Variants in PATJ observed in about 807,000 individuals in gnomAD.
The protein encoded by PATJ is PATJ crumbs cell polarity complex component, also known as inaD-like protein.
In PATJ, 190 loss-of-function variants were observed where a neutral mutation model predicts 224.9. That is an observed-to-expected ratio of 0.84 (90% CI 0.75 to 0.95). PATJ has a LOEUF of 0.95. Ranked by LOEUF, PATJ falls within the 40% of genes least tolerant of loss-of-function variation. The pLI, the probability that PATJ is intolerant of heterozygous loss-of-function variation, is 0.00. For synonymous variants in PATJ, 769 were observed against 820.3 expected, an observed-to-expected ratio of 0.94 and a Z score of 1.07; for missense variants, 2,121 against 2,270.3, an observed-to-expected ratio of 0.93 and a Z score of 1.34.
Position 61,788,071 on chromosome 1 carries a change from A to T in PATJ, c.1068+99A>T, listed in dbSNP as rs976658224. On this transcript the variant is annotated intron_variant, in intron 8 of 43. Transcript: ENST00000642238. ...CAACTTGAAGCACCACATTGGTGTG[A>T]GTTGTGCGCTCACTAGTGAAACAGG... The T allele has an allele frequency of 7.9e-6, 7 of 890,410 alleles. No homozygotes were observed. In the African/African-American group the frequency reaches 1.0e-4, roughly 13 times the overall value. 55.2% of individuals were successfully genotyped at this position (890,410 alleles called of 1,614,324 possible).
At chr1:61,758,772 T>C (rs1645795739) in intron 1 of PATJ, among the ~76,000 whole-genome samples, 1 of 152,130 alleles carries the variant, frequency 6.6e-6, no homozygotes, top group Admixed American at 6.6e-5. Flanking sequence ...TAGTTTTTGT[T>C]GTTGTTGTTT....
At position 62,074,213 on chromosome 1, in the gene PATJ, G is replaced by C. The variant is rs200900984; in HGVS notation, c.4126-5237G>C. On this transcript the variant is annotated intron_variant, in intron 31 of 43. Transcript: ENST00000642238. ...GAAAACCCAAATTAAAAAAAATAGT[G>C]GGGGGAGGGGGGAGGGATAGCATTA... 2.9e-5 allele frequency among the ~76,000 whole-genome samples: 4 copies of C among 136,730 alleles called. No individual in the cohort carries two copies. In the East Asian group the frequency reaches 9.0e-4, roughly 31 times the overall value. The allele number at this position is 136,730 out of a possible 152,430, so 89.7% of individuals were successfully genotyped here. A position where few individuals can be genotyped will look rare whatever the true frequency, so the allele number is the denominator to read the frequency against.
chr1:62,071,598 A>G (rs1657428285), intron 31 of PATJ, among the ~76,000 whole-genome samples: 1 of 151,310 alleles, frequency 6.6e-6, no homozygotes, highest in Non-Finnish European at 1.5e-5. Context: ...GGTAAAAGCA[A>G]TTCTTCTGCC....
At chr1:62,139,015 C>T (rs567380998) in intron 41 of PATJ, among the ~76,000 whole-genome samples, 1 of 152,068 alleles carries the variant, frequency 6.6e-6, no homozygotes, top group African/African-American at 2.4e-5. Context: ...GGCAGGGAAC[C>T]TTTGCTCCCA....
At chr1:62,150,083 T>C (rs1280526887) in intron 42 of PATJ, among the ~76,000 whole-genome samples, 1 of 152,202 alleles carries the variant, frequency 6.6e-6, no homozygotes, top group Non-Finnish European at 1.5e-5. Flanking sequence ...AAATGGGGGC[T>C]GTGTTTGAAA....
At chr1:62,022,823 T>TC (rs1447214937) in intron 29 of PATJ, among the ~76,000 whole-genome samples, 2 of 152,208 alleles carry the variant, frequency 1.3e-5, no homozygotes, top group African/African-American at 4.8e-5. Flanking sequence ...CACCATGGGC[T>TC]CCACCTTCCT....
At position 62,163,582 on chromosome 1, in the gene PATJ, T is replaced by C. The variant is rs1376387075; in HGVS notation, c.*2528T>C. ...AAGTATATTGATGAAGGAATTATGA[T>C]GCTTTATACTTCTTACTGCACTAAA... On this transcript the variant is annotated 3_prime_UTR_variant, in exon 44 of 44. Transcript: ENST00000642238. 1 of 152,644 alleles carries C rather than the reference T, an allele frequency of 6.6e-6. No homozygotes were observed. Among genetic ancestry groups the C allele is most frequent in the East Asian group, 1.9e-4 (1 of 5,196 alleles). 9.5% of individuals were successfully genotyped at this position (152,644 alleles called of 1,614,324 possible). A position where few individuals can be genotyped will look rare whatever the true frequency, so the allele number is the denominator to read the frequency against.
intron 1 of PATJ, among the ~76,000 whole-genome samples, chr1:61,752,634 T>A (rs1464409809): frequency 6.6e-6 from 1 of 152,184 alleles, no homozygotes; most frequent in Non-Finnish European, 1.5e-5. Flanking sequence ...CCTTCATTTC[T>A]TTTTTAAAAA....
At chr1:62,123,144 G>GGGA in intron 39 of PATJ, 86 bp downstream of exon 39, 4 of 895,466 alleles carry the variant, frequency 4.5e-6, no homozygotes, top group Non-Finnish European at 7.2e-6. Flanking sequence ...CAGTTTATTG[G>GGGA]ATTGTGAGTG....
intron 28 of PATJ, among the ~76,000 whole-genome samples, chr1:61,999,352 T>C (rs1410666999): frequency 2.0e-5 from 3 of 152,196 alleles, no homozygotes; most frequent in African/African-American, 7.2e-5. Context: ...AGAAGTTTTC[T>C]TATATTAGCC....
intron 38 of PATJ, among the ~76,000 whole-genome samples, chr1:62,122,363 TAAAAAAAAAAAA>T (rs58555932): frequency 1.2e-5 from 1 of 81,532 alleles, no homozygotes; most frequent in Non-Finnish European, 2.6e-5. Context: ...AGACTCCATC[TAAAAAAAAAAAA>T]AAAAAAAAAA....
intron 27 of PATJ, among the ~76,000 whole-genome samples, chr1:61,933,103 A>G (rs1016361701): frequency 2.0e-5 from 3 of 152,174 alleles, no homozygotes; most frequent in African/African-American, 7.2e-5. Context: ...AATTAGTGAA[A>G]TTAATTGAGA....
chr1:61,863,969 G>A (rs1221709251), intron 19 of PATJ, among the ~76,000 whole-genome samples: 1 of 152,198 alleles, frequency 6.6e-6, no homozygotes, highest in African/African-American at 2.4e-5. Flanking sequence ...ATTGTCAGGT[G>A]GTTAATGTAT....
intron 24 of PATJ, among the ~76,000 whole-genome samples, chr1:61,903,314 T>C (rs777517940): frequency 2.0e-5 from 3 of 152,106 alleles, no homozygotes; most frequent in Non-Finnish European, 4.4e-5. Flanking sequence ...ACTAACAGAA[T>C]GGATGCAAAA....
chr1:61,927,975 G>A, intron 27 of PATJ, 146 bp downstream of exon 27: 1 of 600,020 alleles, frequency 1.7e-6, no homozygotes, highest in East Asian at 2.9e-5. Context: ...TACCTTTGAA[G>A]CTTTTGTGGC....
At chr1:61,851,157 A>C (rs555237680) in intron 17 of PATJ, among the ~76,000 whole-genome samples, 9 of 152,260 alleles carry the variant, frequency 5.9e-5, no homozygotes, top group Non-Finnish European at 1.2e-4. Context: ...AGTAAAATGT[A>C]AAAAGTATTT....
chr1:61,889,659 G>A (rs536299897), intron 22 of PATJ, among the ~76,000 whole-genome samples: 9 of 152,276 alleles, frequency 5.9e-5, no homozygotes, highest in African/African-American at 1.4e-4. Flanking sequence ...TGACTTCTGC[G>A]CAGGCAGCAT....
At chr1:62,148,492 G>A (rs61777734) in intron 42 of PATJ, 102 bp downstream of exon 42, 73,227 of 786,400 alleles carry the variant, frequency 0.093, 4,395 homozygotes, top group Admixed American at 0.2. Context: ...TGGCCAAAGC[G>A]CCCGTGACTT....
At chr1:61,980,437 TTGTG>T (rs148389720) in intron 27 of PATJ, among the ~76,000 whole-genome samples, 2,038 of 129,682 alleles carry the variant, frequency 0.016, 35 homozygotes, top group African/African-American at 0.04. Context: ...CTTATATAAT[TTGTG>T]TGTGTGTGTG....
Sources: allele counts gnomAD v4.1 joint callset (sites outside exome capture counted in the v4.1 genomes callset), GRCh38; gene constraint gnomAD v4.1.1; transcripts MANE v1.5; gene names NCBI Gene and HGNC (gene_info 2026-07-23, HGNC 2026-07-21).